AGBL4: variants seen among roughly 807,000 people sequenced by gnomAD.
AGBL4 encodes the protein cytosolic carboxypeptidase 6.
Under a neutral mutation model 66.4 loss-of-function variants are expected in AGBL4, and 58 were observed. The observed-to-expected ratio is 0.87, with a 90% CI of 0.71 to 1.09. AGBL4 has a LOEUF of 1.09. Among genes scored for constraint, AGBL4 ranks in the 50% least tolerant of loss-of-function variants. The probability of loss-of-function intolerance (pLI) is 0.00; values close to 1 mark genes in which losing one functional copy is unlikely to be tolerated. For missense variants in AGBL4, 579 were observed against 631.0 expected, an observed-to-expected ratio of 0.92 and a Z score of 0.88; for synonymous variants, 234 against 222.9, an observed-to-expected ratio of 1.05 and a Z score of -0.44.
intron 3 of AGBL4, among the ~76,000 whole-genome samples, chr1:49,528,314 G>GT (rs918815308): frequency 1.3e-5 from 2 of 152,074 alleles, no homozygotes; most frequent in African/African-American, 2.4e-5. Flanking sequence ...ATAAACTCTT[G>GT]TTTTTTTCAA....
intron 5 of AGBL4, among the ~76,000 whole-genome samples, chr1:49,043,152 T>A (rs1378678581): frequency 1.3e-5 from 2 of 152,220 alleles, no homozygotes; most frequent in Non-Finnish European, 2.9e-5. Context: ...AGTAATATAC[T>A]GTTAATTGGA....
intron 4 of AGBL4, among the ~76,000 whole-genome samples, chr1:49,167,494 A>G (rs1331203941): frequency 5.3e-5 from 8 of 152,222 alleles, no homozygotes; most frequent in Non-Finnish European, 1.2e-4. Flanking sequence ...GGCCTCATGA[A>G]TGGACCAGGC....
At chr1:49,322,716 G>A (rs1645152766) in intron 3 of AGBL4, among the ~76,000 whole-genome samples, 1 of 152,208 alleles carries the variant, frequency 6.6e-6, no homozygotes, top group Non-Finnish European at 1.5e-5. Flanking sequence ...CTCTCTTACA[G>A]CTTCCAGAAC....
At chr1:49,973,782 T>TATTCC (rs1658339564) in intron 1 of AGBL4, among the ~76,000 whole-genome samples, 1 of 150,820 alleles carries the variant, frequency 6.6e-6, no homozygotes, top group Non-Finnish European at 1.5e-5. Context: ...CCTAAGAGCA[T>TATTCC]TACAGAAAAT....
intron 3 of AGBL4, among the ~76,000 whole-genome samples, chr1:49,332,362 C>T (rs958171326): frequency 2.0e-5 from 3 of 152,134 alleles, no homozygotes; most frequent in Non-Finnish European, 4.4e-5. Context: ...AACTTCCCAT[C>T]AAATAAAACA....
chr1:48,696,800 A>G (rs868122911), intron 6 of AGBL4, among the ~76,000 whole-genome samples: 1 of 152,200 alleles, frequency 6.6e-6, no homozygotes, highest in African/African-American at 2.4e-5. Flanking sequence ...CTTGGTCTGT[A>G]GTGAAAATGA....
intron 3 of AGBL4, among the ~76,000 whole-genome samples, chr1:49,253,753 C>A (rs541093380): frequency 6.6e-6 from 1 of 151,264 alleles, no homozygotes; most frequent in East Asian, 1.9e-4. Flanking sequence ...TGAACACTGA[C>A]GCAAAAATCC....
intron 2 of AGBL4, among the ~76,000 whole-genome samples, chr1:49,722,801 C>T (rs989141731): frequency 1.3e-5 from 2 of 152,044 alleles, no homozygotes; most frequent in Non-Finnish European, 2.9e-5. Flanking sequence ...AACTTCTCTC[C>T]GTTTCCAATG....
chr1:49,679,234 C>A (rs1342740609), intron 3 of AGBL4, among the ~76,000 whole-genome samples: 1 of 152,120 alleles, frequency 6.6e-6, no homozygotes, highest in East Asian at 1.9e-4. Flanking sequence ...GATACATACA[C>A]ATTCAGAAGA....
chr1:49,409,844 G>A (rs1356947952), intron 3 of AGBL4, among the ~76,000 whole-genome samples: 4 of 152,016 alleles, frequency 2.6e-5, no homozygotes, highest in Non-Finnish European at 5.9e-5. Flanking sequence ...AGGAGGATAG[G>A]AATATTATAA....
chr1:49,606,227 A>G (rs1371484929), intron 3 of AGBL4, among the ~76,000 whole-genome samples: 1 of 152,078 alleles, frequency 6.6e-6, no homozygotes, highest in East Asian at 1.9e-4. Flanking sequence ...AATCAATACC[A>G]TATTACTCTC....
At chr1:49,940,560 A>G (rs1654644382) in intron 1 of AGBL4, among the ~76,000 whole-genome samples, 2 of 152,326 alleles carry the variant, frequency 1.3e-5, no homozygotes, top group South Asian at 4.1e-4. Context: ...AGGGACATGG[A>G]TGAAACTGGA....
intron 3 of AGBL4, among the ~76,000 whole-genome samples, chr1:49,679,007 T>G (rs111350252): frequency 3.3e-5 from 5 of 152,096 alleles, no homozygotes. Flanking sequence ...TTGAAAAAAT[T>G]GTTTATTCTC....
chr1:49,305,116 C>T (rs1197739232), intron 3 of AGBL4, among the ~76,000 whole-genome samples: 1 of 152,116 alleles, frequency 6.6e-6, no homozygotes, highest in Non-Finnish European at 1.5e-5. Context: ...GATACATGAA[C>T]CCAAGCAATC....
chr1:48,569,906 G>A (rs1274781598), intron 11 of AGBL4, among the ~76,000 whole-genome samples: 1 of 152,156 alleles, frequency 6.6e-6, no homozygotes, highest in South Asian at 2.1e-4. Flanking sequence ...ATCTCAGGTG[G>A]TCAATCACTT....
chr1:49,497,874 A>G (rs896428857), intron 3 of AGBL4, among the ~76,000 whole-genome samples: 1 of 152,018 alleles, frequency 6.6e-6, no homozygotes, highest in Non-Finnish European at 1.5e-5. Context: ...GTAGTCCCAC[A>G]TGAATTTTAA....
At chr1:48,781,526 G>T (rs1203799051) in intron 6 of AGBL4, among the ~76,000 whole-genome samples, 1 of 152,206 alleles carries the variant, frequency 6.6e-6, no homozygotes, top group African/African-American at 2.4e-5. Context: ...AGCAAAGATA[G>T]TTTAAATACA....
intron 2 of AGBL4, among the ~76,000 whole-genome samples, chr1:49,826,104 G>A (rs1036220637): frequency 6.6e-6 from 1 of 151,988 alleles, no homozygotes; most frequent in African/African-American, 2.4e-5. Context: ...TAATATTTGT[G>A]TAAATTGATA....
At chr1:49,863,365 G>T (rs1646621776) in intron 1 of AGBL4, among the ~76,000 whole-genome samples, 1 of 152,138 alleles carries the variant, frequency 6.6e-6, no homozygotes, top group Non-Finnish European at 1.5e-5. Context: ...CCAGGACATT[G>T]GTCTGGCCAA....
Sources: gnomAD v4.1 joint callset for allele counts (sites outside exome capture counted in the v4.1 genomes callset) on GRCh38, gnomAD v4.1.1 for gene constraint, MANE v1.5 for transcripts, NCBI Gene and HGNC (gene_info 2026-07-23, HGNC 2026-07-21) for gene names.